Variants in CELF2 observed in about 807,000 individuals in gnomAD.
CELF2 encodes CUG triplet repeat RNA-binding protein 2.
Under a neutral mutation model 62.6 loss-of-function variants are expected in CELF2, and 8 were observed. The observed-to-expected ratio is 0.13, with a 90% confidence interval of 0.07 to 0.23. The LOEUF is 0.23. Ranked by LOEUF, CELF2 falls within the 10% of genes least tolerant of loss-of-function variation. CELF2 has a pLI of 1.00. For synonymous variants in CELF2, 258 were observed against 250.0 expected (o/e 1.03, Z -0.30); for missense variants, 333 against 671.0 (o/e 0.50, Z 5.56).
the CELF2 span, among the ~76,000 whole-genome samples, chr10:10,653,829 C>T: frequency 2.7e-5 from 4 of 149,272 alleles, no homozygotes; most frequent in African/African-American, 9.9e-5. Flanking sequence ...AGAGCAAACA[C>T]ATTCAAAAGC....
chr10:10,533,134 T>G, the CELF2 span, among the ~76,000 whole-genome samples: 6 of 152,224 alleles, frequency 3.9e-5, no homozygotes, highest in African/African-American at 1.4e-4. Context: ...ATAATATAGC[T>G]GTAAACACCT....
the CELF2 span, among the ~76,000 whole-genome samples, chr10:10,791,724 T>A: frequency 6.6e-6 from 1 of 152,172 alleles, no homozygotes; most frequent in Non-Finnish European, 1.5e-5. Flanking sequence ...CTCCCCAGGG[T>A]ATCGAAAGTG....
chr10:11,221,181 T>C (rs893883456), intron 3 of CELF2, among the ~76,000 whole-genome samples: 2 of 152,204 alleles, frequency 1.3e-5, no homozygotes, highest in African/African-American at 4.8e-5. Flanking sequence ...TGCTGGGCCA[T>C]TTATGGTTTT....
At chr10:10,574,829 C>T in the CELF2 span, among the ~76,000 whole-genome samples, 1 of 151,376 alleles carries the variant, frequency 6.6e-6, no homozygotes, top group Non-Finnish European at 1.5e-5. Context: ...TCTGCCTCAG[C>T]CTCCTGACTA....
At chr10:10,952,836 G>A (rs1216893345) in intron 2 of CELF2, among the ~76,000 whole-genome samples, 1 of 152,130 alleles carries the variant, frequency 6.6e-6, no homozygotes, top group Non-Finnish European at 1.5e-5. Flanking sequence ...GATAAATGAT[G>A]CCTGACTGTT....
chr10:11,091,553 G>C (rs2048329752), intron 1 of CELF2, among the ~76,000 whole-genome samples: 1 of 152,166 alleles, frequency 6.6e-6, no homozygotes, highest in Non-Finnish European at 1.5e-5. Context: ...CTAGATTTGT[G>C]AGGAAATACT....
chr10:11,085,503 A>G (rs1311868712), intron 1 of CELF2, among the ~76,000 whole-genome samples: 1 of 152,212 alleles, frequency 6.6e-6, no homozygotes, highest in African/African-American at 2.4e-5. Flanking sequence ...GCTAACATTT[A>G]CAAAGTTCTC....
intron 2 of CELF2, among the ~76,000 whole-genome samples, chr10:11,209,995 G>C (rs2061415443): frequency 6.6e-6 from 1 of 152,166 alleles, no homozygotes; most frequent in Non-Finnish European, 1.5e-5. Context: ...ATACAAAAGA[G>C]AGCTTCATTC....
upstream of CELF2, among the ~76,000 whole-genome samples, chr10:11,013,831 G>A (rs1376301182): frequency 2.0e-5 from 3 of 152,142 alleles, no homozygotes; most frequent in East Asian, 1.9e-4. The surrounding 1 kb of genome is among the most constrained non-coding windows in gnomAD (Gnocchi z 4.1). Context: ...ATGTCATTAC[G>A]GAACCAAGAA....
the CELF2 span, among the ~76,000 whole-genome samples, chr10:10,743,791 C>T: frequency 6.6e-6 from 1 of 152,112 alleles, no homozygotes. Flanking sequence ...ACCATATGAA[C>T]TCTTAAAGAC....
At chr10:11,235,150 C>T (rs2070689407) in intron 3 of CELF2, among the ~76,000 whole-genome samples, 1 of 146,786 alleles carries the variant, frequency 6.8e-6, no homozygotes, top group South Asian at 2.2e-4. Flanking sequence ...AAAAACAAAA[C>T]AGACATAAAG....
chr10:10,479,353 G>C, the CELF2 span, among the ~76,000 whole-genome samples: 1 of 152,014 alleles, frequency 6.6e-6, no homozygotes, highest in Non-Finnish European at 1.5e-5. Flanking sequence ...ATTTTTAGTA[G>C]AGACAGGGTT....
intron 3 of CELF2, among the ~76,000 whole-genome samples, chr10:11,238,843 C>A (rs1173219234): frequency 6.6e-6 from 1 of 152,190 alleles, no homozygotes; most frequent in African/African-American, 2.4e-5. Flanking sequence ...TGGTCCGTGC[C>A]TCCTATTTTA....
At chr10:10,603,405 G>A in the CELF2 span, among the ~76,000 whole-genome samples, 68,440 of 151,966 alleles carry the variant, frequency 0.45, 15,735 homozygotes, top group South Asian at 0.67. Flanking sequence ...TCAAGCCACA[G>A]AATGAATGAA....
the CELF2 span, among the ~76,000 whole-genome samples, chr10:10,742,361 G>A: frequency 1.3e-5 from 2 of 152,018 alleles, no homozygotes; most frequent in African/African-American, 2.4e-5. Flanking sequence ...GAGTGCTGTG[G>A]TTCATGCCTA....
At chr10:11,109,799 A>C (rs1004652672) in intron 1 of CELF2, among the ~76,000 whole-genome samples, 1 of 152,192 alleles carries the variant, frequency 6.6e-6, no homozygotes, top group African/African-American at 2.4e-5. Flanking sequence ...TAACTCCTGC[A>C]TGCACATGGT....
At chr10:10,872,882 C>T (rs935597729) in intron 1 of CELF2, among the ~76,000 whole-genome samples, 2 of 152,026 alleles carry the variant, frequency 1.3e-5, no homozygotes, top group African/African-American at 4.8e-5. Context: ...GGAAAGGACA[C>T]ATGTGGTGAG....
At chr10:10,777,388 T>C in the CELF2 span, among the ~76,000 whole-genome samples, 1 of 152,194 alleles carries the variant, frequency 6.6e-6, no homozygotes, top group African/African-American at 2.4e-5. Flanking sequence ...TCTCCTTCTG[T>C]GCTTTCTGTC....
At chr10:11,186,386 A>AT (rs961542587) in intron 2 of CELF2, among the ~76,000 whole-genome samples, 1 of 79,428 alleles carries the variant, frequency 1.3e-5, no homozygotes, top group Non-Finnish European at 2.7e-5. Flanking sequence ...ACTTGCTTTT[A>AT]TTTTTCTGAC....
Sources: gnomAD v4.1 joint callset for allele counts (sites outside exome capture counted in the v4.1 genomes callset) on GRCh38, gnomAD v4.1.1 for gene constraint, Gnocchi (gnomAD v3.1) non-coding constraint, MANE v1.5 for transcripts, NCBI Gene and HGNC (gene_info 2026-07-23, HGNC 2026-07-21) for gene names.